The following RXRA variants were observed in gnomAD, a reference collection of about 807,000 sequenced individuals.
RXRA encodes the protein retinoic acid receptor RXR-alpha.
RXRA carries 5 observed loss-of-function variants against 44.5 expected under a neutral mutation model. The observed-to-expected ratio is 0.11, with a 90% confidence interval of 0.06 to 0.24. The LOEUF (loss-of-function observed/expected upper bound fraction) is 0.24. Ranked by LOEUF, RXRA falls within the 10% of genes least tolerant of loss-of-function variation. The pLI is 1.00. For missense variants in RXRA, 412 were observed against 646.5 expected (o/e 0.64, Z 3.93); for synonymous variants, 291 against 271.4 (o/e 1.07, Z -0.71).
At chr9:134,382,299 T>G (rs1011396372) in intron 1 of RXRA, among the ~76,000 whole-genome samples, 5 of 151,830 alleles carry the variant, frequency 3.3e-5, no homozygotes, top group Admixed American at 2.6e-4. Context: ...GTGTGCGCTT[T>G]TGACTGGGCT....
intron 5 of RXRA, among the ~76,000 whole-genome samples, chr9:134,419,411 C>A (rs915831573): frequency 6.6e-6 from 1 of 152,158 alleles, no homozygotes; most frequent in Admixed American, 6.5e-5. Flanking sequence ...ATAAAGGACA[C>A]GTCTTCCACG....
rs35562939 is a variant in RXRA at position 134,433,923 on chromosome 9, G to A, written c.1136-179G>A. Reference sequence around the variant, plus strand: ...TGGCCTGGCCGTGGGTTCCACAGTCGTCCCCCTGCCACCAGGCTCTGGGGG... The same window carrying A: ...TGGCCTGGCCGTGGGTTCCACAGTCATCCCCCTGCCACCAGGCTCTGGGGG... On this transcript the variant is annotated intron_variant, in intron 8 of 9. Transcript: ENST00000481739. This position sits in a 1 kb window ranked among gnomAD's most constrained non-coding sequence, Gnocchi z 4.2. Among the ~76,000 whole-genome samples, 868 of 151,970 alleles carry A rather than the reference G, an allele frequency of 5.7e-3. 6 individuals are homozygous for A. Among genetic ancestry groups the A allele is most frequent in the African/African-American group, 0.02 (840 of 41,458 alleles).
intron 1 of RXRA, among the ~76,000 whole-genome samples, chr9:134,352,444 G>C (rs1384976832): frequency 2.0e-5 from 3 of 152,138 alleles, no homozygotes; most frequent in African/African-American, 7.2e-5. Context: ...CTAGGCCCCA[G>C]GTGGGCAGCA....
intron 1 of RXRA, among the ~76,000 whole-genome samples, chr9:134,346,531 G>A (rs535954166): frequency 1.5e-4 from 23 of 152,278 alleles, no homozygotes; most frequent in African/African-American, 5.5e-4. Flanking sequence ...GCGTGTTGGG[G>A]GCTCTCGTTA....
At chr9:134,385,192 A>C (rs1187908079) in intron 1 of RXRA, among the ~76,000 whole-genome samples, 1 of 152,200 alleles carries the variant, frequency 6.6e-6, no homozygotes, top group African/African-American at 2.4e-5. Context: ...TAGGACCCCC[A>C]CTAGCATGCC....
intron 1 of RXRA, among the ~76,000 whole-genome samples, chr9:134,377,294 C>A (rs146359451): frequency 7.9e-5 from 12 of 152,336 alleles, no homozygotes; most frequent in African/African-American, 2.9e-4. Context: ...CCTCCCTGGG[C>A]CACATGCTGT....
At chr9:134,425,213 A>G (rs1034063185) in intron 6 of RXRA, 1 of 985,264 alleles carries the variant, frequency 1.0e-6, no homozygotes, top group Non-Finnish European at 1.2e-6. Flanking sequence ...TGGGAGGTTG[A>G]TGTCACACGT....
intron 1 of RXRA, among the ~76,000 whole-genome samples, chr9:134,394,243 TGAC>T (rs1830844608): frequency 6.6e-6 from 1 of 151,664 alleles, no homozygotes; most frequent in African/African-American, 2.4e-5. Flanking sequence ...GTGGTGGTGA[TGAC>T]GGTGGTGATG....
chr9:134,349,413 A>C lies in RXRA; in HGVS notation c.28+22754A>C, dbSNP rs1564264958. Among the ~76,000 whole-genome samples, 2 of 151,922 alleles carry C rather than the reference A, an allele frequency of 1.3e-5. No individual in the cohort carries two copies. The highest frequency in any genetic ancestry group is 2.9e-5 in the Non-Finnish European group (2 of 67,978). ...CTCTCCACGGGGAGCAGGAGGGAGG[A>C]GAGGGACAGGCTGGTGGGTCGGGGA... On this transcript the variant is annotated intron_variant, in intron 1 of 9. Coordinates refer to ENST00000481739, the MANE Select transcript of RXRA (RefSeq NM_002957.6). The surrounding 1 kb of genome is among the most constrained non-coding windows in gnomAD (Gnocchi z 4.3).
intron 1 of RXRA, among the ~76,000 whole-genome samples, chr9:134,337,012 A>T (rs1432105772): frequency 1.7e-4 from 26 of 151,934 alleles, no homozygotes; most frequent in African/African-American, 6.3e-4. Context: ...CCTGGGTGGG[A>T]GCTGAGGCTG....
At chr9:134,410,478 G>GC (rs1831130207) in intron 4 of RXRA, among the ~76,000 whole-genome samples, 1 of 152,114 alleles carries the variant, frequency 6.6e-6, no homozygotes, top group Admixed American at 6.5e-5. Context: ...AGAGGTGTGT[G>GC]CCCAGCCTGG....
At chr9:134,396,412 G>T (rs1830880075) in intron 1 of RXRA, among the ~76,000 whole-genome samples, 1 of 152,124 alleles carries the variant, frequency 6.6e-6, no homozygotes, top group Non-Finnish European at 1.5e-5. Context: ...TCCCCTGGGA[G>T]GCCAGGGGAA....
At chr9:134,337,315 T>A (rs1167491946) in intron 1 of RXRA, among the ~76,000 whole-genome samples, 1 of 152,196 alleles carries the variant, frequency 6.6e-6, no homozygotes. Flanking sequence ...CGTCCGCTCA[T>A]CTGTCTGTCC....
At position 134,417,207 on chromosome 9, in the gene RXRA, G is replaced by A. The variant is rs2119177813; in HGVS notation, c.660G>A (p.Val220=). 6.2e-7 allele frequency: 1 copy of A among 1,613,578 alleles called. No individual in the cohort carries two copies. Among genetic ancestry groups the A allele is most frequent in the East Asian group, 2.2e-5 (1 of 44,876 alleles). The change falls in exon 5 of 10, where the codon GTG becomes GTA. Residue 220 remains valine, a synonymous_variant. Transcript: ENST00000481739. This position sits in a 1 kb window ranked among gnomAD's most constrained non-coding sequence, Gnocchi z 6.1. ...GCAAGGACCGGAACGAGAATGAGGT[G>A]GAGTCGACCAGCAGCGCCAACGAGG... The part of the protein sequence containing the change: ...QRGKDRNENE[V]ESTSSANEDM...
chr9:134,352,422 A>G (rs961242252), intron 1 of RXRA, among the ~76,000 whole-genome samples: 7 of 152,068 alleles, frequency 4.6e-5, no homozygotes, highest in African/African-American at 1.7e-4. Context: ...GCTTCTGAGC[A>G]GGGGCCCTGC....
At position 134,349,453 on chromosome 9, in the gene RXRA, C is replaced by G. The variant is rs1027260814; in HGVS notation, c.28+22794C>G. On this transcript the variant is annotated intron_variant, in intron 1 of 9. Transcript: ENST00000481739. The surrounding 1 kb of genome is among the most constrained non-coding windows in gnomAD (Gnocchi z 4.3). ...TGGGTCGGGGAAGAGAAGAGGCTGG[C>G]TCAGGTGGGCTGGGGTCTTCAGCTG... is the stretch of plus-strand genomic sequence containing the variant. 6.6e-6 allele frequency among the ~76,000 whole-genome samples: 1 copy of G among 152,172 alleles called. No homozygotes were observed. Among genetic ancestry groups the G allele is most frequent in the African/African-American group, 2.4e-5 (1 of 41,432 alleles).
intron 4 of RXRA, among the ~76,000 whole-genome samples, chr9:134,412,327 G>A (rs570202922): frequency 1.1e-4 from 17 of 152,342 alleles, no homozygotes; most frequent in Admixed American, 9.8e-4. Context: ...CCCTCGGCCC[G>A]GTTTGTGATC....
chr9:134,423,101 A>G, intron 6 of RXRA: 1 of 985,432 alleles, frequency 1.0e-6, no homozygotes, highest in Non-Finnish European at 1.2e-6. Context: ...GCCCCCCGCA[A>G]AGCTGGTCCC....
chr9:134,408,314 G>C lies in RXRA; in HGVS notation c.430+15G>C. 6.3e-7 allele frequency: 1 copy of C among 1,588,390 alleles called. No homozygotes were observed. ...CCGCTCCTCAGGTACCGCTGCTGTGGGGGCCAGGGGCTGGTGGGACAGGGT... is the reference window on the plus strand; with the variant it reads ...CCGCTCCTCAGGTACCGCTGCTGTGCGGGCCAGGGGCTGGTGGGACAGGGT... On this transcript the variant is annotated intron_variant, in intron 3 of 9. Transcript: ENST00000481739.
Sources: allele counts gnomAD v4.1 joint callset (sites outside exome capture counted in the v4.1 genomes callset), GRCh38; gene constraint gnomAD v4.1.1; non-coding constraint Gnocchi (gnomAD v3.1); transcripts MANE v1.5; gene names NCBI Gene and HGNC (gene_info 2026-07-23, HGNC 2026-07-21).